DST: variants seen among roughly 807,000 people sequenced by gnomAD.
DST encodes the protein dystonin.
In DST, 253 loss-of-function variants were observed where a neutral mutation model predicts 875.2. The observed-to-expected ratio is 0.29, with a 90% CI of 0.26 to 0.32. The LOEUF (loss-of-function observed/expected upper bound fraction) is 0.32, where lower values mean the gene tolerates loss of function less well. Among genes scored for constraint, DST ranks in the 10% least tolerant of loss-of-function variants. DST has a pLI of 1.00. For synonymous variants in DST, 3,124 were observed against 3,197.1 expected, an observed-to-expected ratio of 0.98 and a Z score of 0.77; for missense variants, 8,287 against 9,111.6, an observed-to-expected ratio of 0.91 and a Z score of 3.68.
At chr6:56,754,890 A>C (rs2099597814) in intron 4 of DST, among the ~76,000 whole-genome samples, 1 of 152,202 alleles carries the variant, frequency 6.6e-6, no homozygotes, top group Non-Finnish European at 1.5e-5. Flanking sequence ...TAAGTTATTC[A>C]GAAGTTAGGT....
chr6:56,620,838 A>G lies in DST; in HGVS notation c.4929+3692T>C, dbSNP rs542368267. 6.6e-4 allele frequency: 563 copies of G among 855,788 alleles called. 6 individuals are homozygous for G. The South Asian group carries it at 6.9e-3, about 11-fold the overall frequency. 53.0% of individuals were successfully genotyped at this position (855,788 alleles called of 1,614,324 possible). On this transcript the variant is annotated intron_variant, in intron 36 of 103. Transcript: ENST00000680361. ...ACTCAAATGCAGAACAAGCGCTATCACCACCACCAGCAGCATCACCTTCTT... is the reference window on the plus strand; with the variant it reads ...ACTCAAATGCAGAACAAGCGCTATCGCCACCACCAGCAGCATCACCTTCTT...
intron 50 of DST, among the ~76,000 whole-genome samples, chr6:56,578,552 A>G (rs1446452939): frequency 4.6e-5 from 7 of 152,200 alleles, no homozygotes; most frequent in Non-Finnish European, 5.9e-5. Context: ...TGGACATTAC[A>G]TAGCGAGTTC....
chr6:56,468,903 A>G (rs952161945), intron 98 of DST, 79 bp downstream of exon 98: 47 of 1,203,316 alleles, frequency 3.9e-5, no homozygotes, highest in Non-Finnish European at 5.3e-5. Context: ...AAGATTGGCC[A>G]TGGCAAGCTT....
chr6:56,745,400 T>G (rs572037124), intron 4 of DST, among the ~76,000 whole-genome samples: 1 of 152,276 alleles, frequency 6.6e-6, no homozygotes, highest in Admixed American at 6.5e-5. Flanking sequence ...TCAAGAGAAG[T>G]GTGGAAATAA....
rs1368256944 is a variant in DST, at chr6:56,492,268, T to C, written c.20716A>G (p.Arg6906Gly). 6.2e-7 allele frequency: 1 copy of C among 1,613,900 alleles called. No homozygotes were observed. Among genetic ancestry groups the C allele is most frequent in the Admixed American group, 1.7e-5 (1 of 60,010 alleles). The change falls in exon 85 of 104, where the codon AGA becomes GGA. Residue 6906 changes from arginine (R) to glycine (G), a missense_variant. This residue lies in a region of DST where 1,292 missense variants were observed against 1,552.7 expected (regional missense o/e 0.83). Coordinates refer to ENST00000680361, the MANE Select transcript of DST (RefSeq NM_001374736.1). ...CTTGCATCATCCAAAGATCTTCCTC[T>C]CTCTACCAACCGTTGAACCACTTTT... is the stretch of plus-strand genomic sequence containing the variant. ...WEKVVQRLVE[R>G]GRSLDDARKR...
chr6:56,529,876 G>A, intron 65 of DST, 98 bp downstream of exon 65: 1 of 1,482,928 alleles, frequency 6.7e-7, no homozygotes, highest in African/African-American at 1.4e-5. Flanking sequence ...AATGGATTTA[G>A]TTTGCAATTA....
intron 78 of DST, among the ~76,000 whole-genome samples, chr6:56,502,710 C>T (rs1371463112): frequency 6.6e-6 from 1 of 152,022 alleles, no homozygotes; most frequent in Non-Finnish European, 1.5e-5. Context: ...ATGTTTGCCA[C>T]ATGAACAAAT....
intron 4 of DST, among the ~76,000 whole-genome samples, chr6:56,809,757 C>G (rs957839653): frequency 1.3e-5 from 2 of 152,032 alleles, no homozygotes; most frequent in African/African-American, 2.4e-5. Context: ...TGAACTAGAA[C>G]AAGAAAAGAA....
intron 3 of DST, among the ~76,000 whole-genome samples, chr6:56,888,920 G>T (rs1035097208): frequency 1.3e-5 from 2 of 152,170 alleles, no homozygotes; most frequent in African/African-American, 2.4e-5. Flanking sequence ...AATCTAATGA[G>T]TACATCTGGG....
At chr6:56,905,182 C>A (rs9296855) in intron 2 of DST, among the ~76,000 whole-genome samples, 41,772 of 151,894 alleles carry the variant, frequency 0.28, 6,084 homozygotes, top group African/African-American at 0.36. Flanking sequence ...AATTATCAGC[C>A]CCTTTTGGAT....
chr6:56,602,028 TA>T, intron 43 of DST: 1 of 433,628 alleles, frequency 2.3e-6, no homozygotes. Context: ...TATGACTTGC[TA>T]ACATTTACAA....
At chr6:56,710,399 A>G (rs537122901) in intron 5 of DST, among the ~76,000 whole-genome samples, 5 of 152,348 alleles carry the variant, frequency 3.3e-5, no homozygotes, top group Non-Finnish European at 7.3e-5. Context: ...ATAATAAAAG[A>G]AGGCTTGTCC....
Position 56,482,824 on chromosome 6 carries a change from G to A in DST, c.21261C>T (p.Arg7087=), listed in dbSNP as rs1385530020. The change falls in exon 89 of 104, where the codon CGC becomes CGT. Residue 7087 remains arginine (R), a synonymous_variant. Coordinates refer to ENST00000680361, the MANE Select transcript of DST (RefSeq NM_001374736.1). ...TGCCTTCTATGAGTTCTCGGGCTGA[G>A]CGCTTCAGGGCCTGCACACTGCTGG... ...KRTSSVQALK[R]SARELIEGSR... 4 of 1,612,958 alleles carry A rather than the reference G, an allele frequency of 2.5e-6. No homozygotes were observed. In the East Asian group the frequency reaches 8.9e-5, roughly 36 times the overall value.
chr6:56,627,533 C>T (rs114746244), intron 33 of DST, among the ~76,000 whole-genome samples: 1 of 152,194 alleles, frequency 6.6e-6, no homozygotes, highest in Admixed American at 6.5e-5. Flanking sequence ...CAAAAGCAGA[C>T]TTGATGCCCT....
chr6:56,605,765 C>G lies in DST; in HGVS notation c.8863G>C (p.Asp2955His). The G allele has an allele frequency of 6.2e-7, 1 of 1,612,722 alleles. No individual in the cohort carries two copies. The highest frequency in any genetic ancestry group is 8.5e-7 in the Non-Finnish European group (1 of 1,179,318). ...AACTTAACCTTTGTGTTTGCTAGAT[C>G]AGTACCTAATTCAGAAGTTGAACTG... ...NISSTSELGT[D>H]LANTKVKLIQ... The change falls in exon 40 of 104, where the codon GAT (aspartate) becomes CAT (histidine). Residue 2955 changes from aspartate to histidine, a missense_variant. By Grantham distance (81) the Asp-to-His change is moderately conservative. Around this residue, in one of 10 missense-constraint regions of DST, gnomAD observed 3,138 missense variants for 3,116.6 expected, o/e 1.01. Coordinates refer to ENST00000680361, the MANE Select transcript of DST (RefSeq NM_001374736.1).
intron 9 of DST, among the ~76,000 whole-genome samples, chr6:56,675,340 A>G (rs1057241329): frequency 9.9e-5 from 15 of 152,210 alleles, no homozygotes; most frequent in Admixed American, 2.6e-4. Context: ...TTGACTTTGG[A>G]CTGGGCAATG....
At chr6:56,934,560 TTATATATATATATATA>T (rs60018139) in intron 2 of DST, among the ~76,000 whole-genome samples, 5 of 106,486 alleles carry the variant, frequency 4.7e-5, no homozygotes, top group African/African-American at 1.8e-4. Context: ...ATATATTATA[TTATATATATATATATA>T]TATATATATA....
intron 3 of DST, among the ~76,000 whole-genome samples, chr6:56,868,825 C>A (rs929478643): frequency 5.9e-5 from 9 of 152,106 alleles, no homozygotes; most frequent in Non-Finnish European, 1.3e-4. Context: ...ACAGAAATGA[C>A]AAATATGTAC....
Position 56,604,427 on chromosome 6 carries a change from C to A in DST, c.10201G>T (p.Glu3401Ter). ...GAGTCGCTGGGCACAGTAGATGCCTCATTTACCAACTGTGATGTGGTAATC... is the reference window on the plus strand; with the variant it reads ...GAGTCGCTGGGCACAGTAGATGCCTAATTTACCAACTGTGATGTGGTAATC... The part of the protein sequence containing the change: ...KRITTSQLVN[E>*]ASTVPSDSQM... The change falls in exon 40 of 104, where the codon GAG becomes TAG. Residue 3401 changes from glutamate (E) to a stop codon, truncating the protein, a stop_gained. Coordinates refer to ENST00000680361, the MANE Select transcript of DST (RefSeq NM_001374736.1). LOFTEE classifies it high-confidence loss of function. 1 of 1,609,518 alleles carries A rather than the reference C, an allele frequency of 6.2e-7. No individual in the cohort carries two copies. Among genetic ancestry groups the A allele is most frequent in the Non-Finnish European group, 8.5e-7 (1 of 1,177,378 alleles).
Sources: allele counts gnomAD v4.1 joint callset (sites outside exome capture counted in the v4.1 genomes callset), GRCh38; gene constraint gnomAD v4.1.1; regional missense constraint gnomAD v4.1.1; transcripts MANE v1.5; gene names NCBI Gene and HGNC (gene_info 2026-07-23, HGNC 2026-07-21).